NFAT5: variants seen among roughly 807,000 people sequenced by gnomAD.
NFAT5 encodes the protein nuclear factor of activated T cells 5.
A neutral mutation model predicts 166.5 loss-of-function variants in NFAT5; 31 were observed. That is an observed-to-expected ratio of 0.19 (90% CI 0.14 to 0.25). NFAT5 has a LOEUF of 0.25. NFAT5 is among the 10% of genes least tolerant of loss of function. The pLI, the probability that NFAT5 is intolerant of heterozygous loss-of-function variation, is 1.00. For missense variants in NFAT5, 1,449 were observed against 1,821.8 expected (o/e 0.80, Z 3.72); for synonymous variants, 612 against 639.7 (o/e 0.96, Z 0.65).
intron 3 of NFAT5, 54 bp from the exon 4 acceptor site, chr16:69,646,974 C>A: frequency 1.4e-6 from 2 of 1,383,784 alleles, no homozygotes; most frequent in Non-Finnish European, 1.9e-6. Context: ...GGACTGCTAG[C>A]CAGCATAGGT....
intron 6 of NFAT5, among the ~76,000 whole-genome samples, chr16:69,656,417 T>C (rs964126335): frequency 6.6e-6 from 1 of 152,110 alleles, no homozygotes. Context: ...TTGATTTGCT[T>C]TCCTGAATTC....
In NFAT5 at chr16:69,703,759, C is replaced by T. The variant is rs747438308; in HGVS notation, c.*7408C>T. On this transcript the variant is annotated 3_prime_UTR_variant, in exon 15 of 15. Transcript: ENST00000349945. ...ATTCCTCCCTTCTTATTCCCTTTTT[C>T]TCTTCCTCACTTTATTGCATAACAT... 4.6e-5 allele frequency: 7 copies of T among 152,518 alleles called. No individual in the cohort carries two copies. The highest frequency in any genetic ancestry group is 2.1e-4 in the South Asian group (1 of 4,830). 9.4% of individuals were successfully genotyped at this position (152,518 alleles called of 1,614,324 possible).
At chr16:69,671,244 T>A (rs1427596129) in intron 9 of NFAT5, among the ~76,000 whole-genome samples, 1 of 152,218 alleles carries the variant, frequency 6.6e-6, no homozygotes, top group Non-Finnish European at 1.5e-5. Flanking sequence ...CCTCTTTTTT[T>A]GAACGAGTGG....
At chr16:69,639,900 G>A (rs1370505830) in intron 3 of NFAT5, among the ~76,000 whole-genome samples, 1 of 152,124 alleles carries the variant, frequency 6.6e-6, no homozygotes, top group Non-Finnish European at 1.5e-5. Flanking sequence ...TTTTGTCTAA[G>A]AAATTTCCCC....
At chr16:69,661,445 A>T (rs1363980830) in intron 7 of NFAT5, among the ~76,000 whole-genome samples, 2 of 145,754 alleles carry the variant, frequency 1.4e-5, no homozygotes, top group Admixed American at 6.9e-5. Flanking sequence ...CAGGAGGCTG[A>T]GGCAGAAGGA....
At chr16:69,644,776 C>G (rs965626041) in intron 3 of NFAT5, 4 of 441,960 alleles carry the variant, frequency 9.1e-6, no homozygotes, top group African/African-American at 2.0e-5. Context: ...TTCACCTGTA[C>G]TTTCCATCTG....
At chr16:69,691,184 TTAA>T in intron 12 of NFAT5, 96 bp downstream of exon 12, 1 of 1,159,652 alleles carries the variant, frequency 8.6e-7, no homozygotes, top group Admixed American at 3.1e-5. Context: ...TTGGATGCAC[TTAA>T]TGAATTTTGC....
At position 69,566,108 on chromosome 16, in the gene NFAT5, G is replaced by A; in HGVS notation, c.-194G>A. ...GTCACCGAGAATCAGTCCCCGTGGA[G>A]TTCCCCCTCCACCTCGCCATCGTTT... On this transcript the variant is annotated 5_prime_UTR_variant, in exon 1 of 15. Coordinates refer to ENST00000349945, the MANE Select transcript of NFAT5 (RefSeq NM_138713.4). This position sits in a 1 kb window ranked among gnomAD's most constrained non-coding sequence, Gnocchi z 5.7. 1 of 566,356 alleles carries A rather than the reference G, an allele frequency of 1.8e-6. No homozygotes were observed. The highest frequency in any genetic ancestry group is 3.1e-6 in the Non-Finnish European group (1 of 325,920). 35.1% of individuals were successfully genotyped at this position (566,356 alleles called of 1,614,324 possible).
intron 3 of NFAT5, among the ~76,000 whole-genome samples, chr16:69,645,207 T>C (rs1265831025): frequency 6.6e-6 from 1 of 152,218 alleles, no homozygotes; most frequent in Non-Finnish European, 1.5e-5. Flanking sequence ...TTACAAACTT[T>C]TAAAAATATT....
chr16:69,573,939 T>C (rs1597335166), intron 2 of NFAT5, among the ~76,000 whole-genome samples: 2 of 148,516 alleles, frequency 1.3e-5, no homozygotes, highest in East Asian at 4.1e-4. Flanking sequence ...AATGGTGCAA[T>C]CTCAGCTCAC....
intron 9 of NFAT5, among the ~76,000 whole-genome samples, chr16:69,672,021 A>C (rs1486207277): frequency 6.6e-6 from 1 of 152,220 alleles, no homozygotes; most frequent in East Asian, 1.9e-4. Flanking sequence ...TCTCAAGTAA[A>C]TATCACTGTC....
intron 3 of NFAT5, among the ~76,000 whole-genome samples, chr16:69,631,962 T>A (rs1337053113): frequency 6.6e-6 from 1 of 152,242 alleles, no homozygotes; most frequent in African/African-American, 2.4e-5. Flanking sequence ...AGCTTTGATA[T>A]ATAGTGCTTT....
At chr16:69,617,023 A>G (rs983848379) in intron 2 of NFAT5, among the ~76,000 whole-genome samples, 2 of 149,372 alleles carry the variant, frequency 1.3e-5, no homozygotes, top group African/African-American at 5.0e-5. Flanking sequence ...GGCTCACTGC[A>G]AGCTCCGCCT....
chr16:69,700,520 T>G lies in NFAT5; in HGVS notation c.*4169T>G, dbSNP rs2037879838. The G allele has an allele frequency of 6.6e-6, 1 of 152,208 alleles. No homozygotes were observed. Among genetic ancestry groups the G allele is most frequent in the Admixed American group, 6.5e-5 (1 of 15,278 alleles). 9.4% of individuals were successfully genotyped at this position (152,208 alleles called of 1,614,324 possible). ...GGACAAAACGATTTAATAATTAAAG[T>G]CTCAAATCACCATGGTTATACATTT... On this transcript the variant is annotated 3_prime_UTR_variant, in exon 15 of 15. Coordinates refer to ENST00000349945, the MANE Select transcript of NFAT5 (RefSeq NM_138713.4).
Position 69,697,791 on chromosome 16 carries a change from G to A in NFAT5, c.*1440G>A, listed in dbSNP as rs2037807913. On this transcript the variant is annotated 3_prime_UTR_variant, in exon 15 of 15. Transcript: ENST00000349945. ...ATGCTTATGTCTCATTTTCCTTTTG[G>A]CATGTGGAAAGCTGTCAATGCAGTG... is the stretch of plus-strand genomic sequence containing the variant. 6.6e-6 allele frequency: 1 copy of A among 152,564 alleles called. No homozygotes were observed. The highest frequency in any genetic ancestry group is 1.9e-4 in the East Asian group (1 of 5,196). 9.5% of individuals were successfully genotyped at this position (152,564 alleles called of 1,614,324 possible).
Position 69,695,397 on chromosome 16 carries a change from GCTT to G in NFAT5, c.*8+22_*8+24del. ...CTGGATATGTAAGTATTGCATTTTG[GCTT>G]CTTATTGAAAAGCATCAGATTTTAT... On this transcript the variant is annotated intron_variant, in intron 14 of 14. Coordinates refer to ENST00000349945, the MANE Select transcript of NFAT5 (RefSeq NM_138713.4). The G allele has an allele frequency of 6.5e-7, 1 of 1,546,446 alleles. No homozygotes were observed. Among genetic ancestry groups the G allele is most frequent in the South Asian group, 1.1e-5 (1 of 89,374 alleles).
intron 10 of NFAT5, among the ~76,000 whole-genome samples, chr16:69,682,005 C>T (rs1207569532): frequency 1.3e-5 from 2 of 151,806 alleles, no homozygotes; most frequent in Non-Finnish European, 2.9e-5. Flanking sequence ...GGCAAAGGCT[C>T]AAGTGAACAT....
intron 2 of NFAT5, among the ~76,000 whole-genome samples, chr16:69,609,478 A>G (rs2033597744): frequency 6.6e-6 from 1 of 152,254 alleles, no homozygotes; most frequent in South Asian, 2.1e-4. Context: ...GTCTTAAGTT[A>G]GAGGCATTCT....
intron 2 of NFAT5, among the ~76,000 whole-genome samples, chr16:69,604,099 T>G (rs1039041882): frequency 2.0e-5 from 3 of 152,138 alleles, no homozygotes; most frequent in African/African-American, 7.2e-5. Context: ...ATTACTCCTA[T>G]TTTACAGAGA....
Sources: gnomAD v4.1 joint callset for allele counts (sites outside exome capture counted in the v4.1 genomes callset) on GRCh38, gnomAD v4.1.1 for gene constraint, Gnocchi (gnomAD v3.1) non-coding constraint, MANE v1.5 for transcripts, NCBI Gene and HGNC (gene_info 2026-07-23, HGNC 2026-07-21) for gene names.